Variants in ZW10 observed in about 807,000 individuals in gnomAD.
The protein encoded by ZW10 is zw10 kinetochore protein.
A neutral mutation model predicts 87.8 loss-of-function variants in ZW10; 53 were observed. The observed-to-expected ratio is 0.60, with a 90% CI of 0.48 to 0.76. The LOEUF (loss-of-function observed/expected upper bound fraction) is 0.76, where lower values mean the gene tolerates loss of function less well. Among genes scored for constraint, ZW10 ranks in the 30% least tolerant of loss-of-function variants. ZW10 has a pLI of 0.00. For missense variants in ZW10, 837 were observed against 923.0 expected, an observed-to-expected ratio of 0.91 and a Z score of 1.21; for synonymous variants, 312 against 329.2, an observed-to-expected ratio of 0.95 and a Z score of 0.57.
rs771177300 is a variant in ZW10, at chr11:113,747,630, G to A, written c.1173C>T (p.Tyr391=). The A allele has an allele frequency of 3.2e-5, 52 of 1,613,412 alleles. No individual in the cohort carries two copies. In the East Asian group the frequency reaches 8.0e-4, roughly 25 times the overall value. ...LKGDTTDLLK[Y]ARNINSHFAN... is the part of the protein sequence containing the mutation. ...CAAAATGAGAATTGATGTTACGAGC[G>A]TATTTCAGCAAATCTGTAGTATCTC... Residue 391 remains tyrosine, a synonymous_variant, in exon 9 of 16, where the codon TAC becomes TAT. Transcript: ENST00000200135.
intron 7 of ZW10, among the ~76,000 whole-genome samples, chr11:113,754,733 T>C (rs1192057145): frequency 1.3e-5 from 2 of 152,080 alleles, no homozygotes; most frequent in African/African-American, 4.8e-5. Context: ...GCTTACCAAG[T>C]AGCACATGCC....
rs376990353 is a variant in ZW10, at chr11:113,760,377, G to A, written c.421-9C>T. The A allele has an allele frequency of 9.4e-5, 152 of 1,613,242 alleles. No homozygotes were observed. The Admixed American group carries it at 1.4e-3, about 15-fold the overall frequency. ...TTCAAGCATTTCTGTGCCTGGTAAC[G>A]AAATGGAATCACTGTTAAACATTCC... On this transcript the variant is annotated splice_polypyrimidine_tract_variant and intron_variant, in intron 4 of 15. Coordinates refer to ENST00000200135, the MANE Select transcript of ZW10 (RefSeq NM_004724.4).
In ZW10 at chr11:113,739,217, T is replaced by G. The variant is rs775837986; in HGVS notation, c.1749A>C (p.Arg583Ser). 3.1e-6 allele frequency: 5 copies of G among 1,613,506 alleles called. No homozygotes were observed. In the South Asian group the frequency reaches 4.4e-5, roughly 14 times the overall value. The stretch of plus-strand genomic sequence containing the variant: ...TACATTGAAAGTATCAGTTACCAAG[T>G]CTCCTGAAGCCAGGTACAAGATCCA... Reference protein sequence around the residue: ...TFVDLVPGFRRLGTECFLAQM... With the variant: ...TFVDLVPGFRSLGTECFLAQM... The change falls in exon 12 of 16, where the codon AGA becomes AGC. Residue 583 changes from arginine to serine, a missense_variant. Transcript: ENST00000200135.
At chr11:113,744,422 A>G (rs931087090) in intron 9 of ZW10, among the ~76,000 whole-genome samples, 2 of 152,168 alleles carry the variant, frequency 1.3e-5, no homozygotes, top group African/African-American at 4.8e-5. Flanking sequence ...AAATATAAGC[A>G]CACGGTGAAG....
intron 3 of ZW10, 107 bp downstream of exon 3, chr11:113,760,710 A>T: frequency 3.9e-6 from 2 of 510,106 alleles, no homozygotes; most frequent in Non-Finnish European, 6.2e-6. Context: ...AAAAAGAAAG[A>T]AAAAAAAATA....
chr11:113,737,027 T>C (rs1174804673), intron 14 of ZW10, among the ~76,000 whole-genome samples: 1 of 152,212 alleles, frequency 6.6e-6, no homozygotes, highest in Non-Finnish European at 1.5e-5. Context: ...TTCAACAGAT[T>C]GTCAGTAATT....
At chr11:113,753,092 C>CG (rs1953750493) in intron 7 of ZW10, among the ~76,000 whole-genome samples, 1 of 151,848 alleles carries the variant, frequency 6.6e-6, no homozygotes, top group Admixed American at 6.6e-5. Context: ...ACTTGTGTCA[C>CG]GGGGGTTTGT....
At chr11:113,748,140 T>C in intron 8 of ZW10, 117 bp downstream of exon 8, 1 of 930,222 alleles carries the variant, frequency 1.1e-6, no homozygotes, top group African/African-American at 1.7e-5. Flanking sequence ...CTCTATTCCT[T>C]ATTAATAATT....
chr11:113,750,059 A>G (rs1953718937), intron 7 of ZW10, among the ~76,000 whole-genome samples: 1 of 152,218 alleles, frequency 6.6e-6, no homozygotes, highest in Non-Finnish European at 1.5e-5. Flanking sequence ...TGAAATACTC[A>G]TTTTAATTAT....
chr11:113,740,842 C>A (rs1012067205), intron 11 of ZW10, among the ~76,000 whole-genome samples: 1 of 152,142 alleles, frequency 6.6e-6, no homozygotes, highest in South Asian at 2.1e-4. Context: ...ACTAAAGTTC[C>A]GAGGTTATAC....
rs768784423 is a variant in ZW10 at position 113,739,287 on chromosome 11, C to G, written c.1679G>C (p.Arg560Thr). The part of the protein sequence containing the change: ...HHLLTLGHQF[R>T]LRLAPILCDG... Reference sequence around the variant, plus strand: ...ACAAAGAATGGGGGCAAGACGCAATCTGAACTGATGCCCGAGGGTCAGCAA... The same window carrying G: ...ACAAAGAATGGGGGCAAGACGCAATGTGAACTGATGCCCGAGGGTCAGCAA... The change falls in exon 12 of 16, where the codon AGA (arginine) becomes ACA (threonine). Residue 560 changes from arginine (R) to threonine (T), a missense_variant. Coordinates refer to ENST00000200135, the MANE Select transcript of ZW10 (RefSeq NM_004724.4). 5.0e-6 allele frequency: 8 copies of G among 1,614,000 alleles called. No homozygotes were observed. The highest frequency in any genetic ancestry group is 6.8e-6 in the Non-Finnish European group (8 of 1,179,964).
chr11:113,760,681 C>T, intron 3 of ZW10, 91 bp from the exon 4 acceptor site: 1 of 1,179,656 alleles, frequency 8.5e-7, no homozygotes, highest in South Asian at 1.5e-5. Flanking sequence ...TTCCCTCCCC[C>T]TCCCCCCTCT....
At chr11:113,759,891 G>T (rs892781253) in intron 5 of ZW10, among the ~76,000 whole-genome samples, 3 of 152,140 alleles carry the variant, frequency 2.0e-5, no homozygotes, top group Admixed American at 1.3e-4. Context: ...CAAGGCAATG[G>T]AAACTTAATG....
rs757238012 is a variant in ZW10 at position 113,758,613 on chromosome 11, C to A, written c.674G>T (p.Ser225Ile). The change falls in exon 6 of 16, where the codon AGT (serine) becomes ATT (isoleucine). Residue 225 changes from serine (S) to isoleucine (I), a missense_variant. Coordinates refer to ENST00000200135, the MANE Select transcript of ZW10 (RefSeq NM_004724.4). ...KEEKTPMPPI[S>I]SVLLAFSVLG... ...AACAGAAAATGCCAAGAGGACAGAA[C>A]TGATGGGTGGCATAGGGGTCTTCTC... The A allele has an allele frequency of 4.3e-6, 7 of 1,614,072 alleles. No homozygotes were observed. The East Asian group carries it at 8.9e-5, about 21-fold the overall frequency.
chr11:113,768,767 G>A, intron 2 of ZW10, 66 bp downstream of exon 2: 1 of 1,566,872 alleles, frequency 6.4e-7, no homozygotes, highest in Non-Finnish European at 8.7e-7. Context: ...CAATTAAGCT[G>A]TCTTAGCAAT....
At chr11:113,744,962 A>G (rs1478245075) in intron 9 of ZW10, among the ~76,000 whole-genome samples, 1 of 152,172 alleles carries the variant, frequency 6.6e-6, no homozygotes, top group Non-Finnish European at 1.5e-5. Context: ...CTAGACTATT[A>G]GTATTACAGA....
intron 2 of ZW10, among the ~76,000 whole-genome samples, chr11:113,768,049 C>A (rs959762710): frequency 2.0e-5 from 3 of 152,204 alleles, no homozygotes; most frequent in Non-Finnish European, 4.4e-5. Context: ...TTACCAGGCA[C>A]GAGATTCACA....
intron 5 of ZW10, among the ~76,000 whole-genome samples, chr11:113,759,702 C>G (rs1022838051): frequency 4.6e-5 from 7 of 152,146 alleles, no homozygotes; most frequent in Non-Finnish European, 5.9e-5. Flanking sequence ...AAAGCACTCC[C>G]TAGCTCATTA....
At chr11:113,743,421 T>A (rs1048282993) in intron 10 of ZW10, among the ~76,000 whole-genome samples, 2 of 152,254 alleles carry the variant, frequency 1.3e-5, no homozygotes, top group African/African-American at 4.8e-5. Context: ...GGTAGGATTC[T>A]AAGTTCTTTG....
Sources: allele counts gnomAD v4.1 joint callset (sites outside exome capture counted in the v4.1 genomes callset), GRCh38; gene constraint gnomAD v4.1.1; transcripts MANE v1.5; gene names NCBI Gene and HGNC (gene_info 2026-07-23, HGNC 2026-07-21).